Variants in AP3D1 observed in about 807,000 individuals in gnomAD.
The protein encoded by AP3D1 is AP-3 complex subunit delta-1.
AP3D1 carries 51 observed loss-of-function variants against 147.6 expected under a neutral mutation model. The ratio of observed to expected loss-of-function variants is 0.35; its 90% CI spans 0.28 to 0.44. The LOEUF is 0.44. AP3D1 is among the 20% of genes least tolerant of loss of function. AP3D1 has a pLI of 1.00. For missense variants in AP3D1, 1,421 were observed against 1,624.2 expected (o/e 0.87, Z 2.15); for synonymous variants, 760 against 663.0 (o/e 1.15, Z -2.25).
chr19:2,109,124 T>C lies in AP3D1; in HGVS notation c.3434A>G (p.Asn1145Ser). The change falls in exon 30 of 32, where the codon AAT becomes AGT. Residue 1145 changes from asparagine to serine, a missense_variant. Asn to Ser is a conservative substitution (Grantham distance 46). Coordinates refer to ENST00000643116, the MANE Select transcript of AP3D1 (RefSeq NM_001261826.3). Reference protein sequence around the residue: ...KVDGIRMSFQNLLAKICFHHH... With the variant: ...KVDGIRMSFQSLLAKICFHHH... ...GTGAAAACAGATCTTCGCCAGAAGA[T>C]TCTGGAAGGACATCCGAATGCCATC... 1.2e-6 allele frequency: 2 copies of C among 1,609,454 alleles called. No homozygotes were observed. The highest frequency in any genetic ancestry group is 1.1e-5 in the South Asian group (1 of 90,256).
At chr19:2,111,438 G>A (rs1464129826) in intron 25 of AP3D1, 106 bp from the exon 26 acceptor site, 1 of 1,430,470 alleles carries the variant, frequency 7.0e-7, no homozygotes, top group African/African-American at 1.4e-5. Context: ...CTCCAAGAAT[G>A]CTTGGGGCAA....
intron 9 of AP3D1, among the ~76,000 whole-genome samples, chr19:2,126,483 G>T (rs145347230): frequency 1.3e-5 from 2 of 151,918 alleles, no homozygotes; most frequent in East Asian, 1.9e-4. Context: ...GTGAAACCCC[G>T]TGTCTACTAA....
chr19:2,132,393 G>A, intron 5 of AP3D1, 78 bp downstream of exon 5: 2 of 1,362,982 alleles, frequency 1.5e-6, no homozygotes, highest in South Asian at 2.6e-5. Flanking sequence ...GCATAGCCAA[G>A]CTTCCCAGGC....
chr19:2,135,519 GAGTGAGACTCAGTCTCAAAACAAAACA>G (rs1368450282), intron 4 of AP3D1, among the ~76,000 whole-genome samples: 1 of 152,222 alleles, frequency 6.6e-6, no homozygotes, highest in Non-Finnish European at 1.5e-5. Flanking sequence ...CTGGGCAATA[GAGTGAGACTCAGTCTCAAAACAAAACA>G]AAACAAAACA....
In AP3D1 at chr19:2,108,723, G is replaced by C. The variant is rs767309496; in HGVS notation, c.3516C>G (p.Ser1172=). 1.3e-6 allele frequency: 2 copies of C among 1,584,320 alleles called. No homozygotes were observed. The highest frequency in any genetic ancestry group is 3.6e-5 in the Admixed American group (2 of 56,122). Residue 1172 remains serine, a synonymous_variant, in exon 31 of 32, where the codon TCC becomes TCG. Coordinates refer to ENST00000643116, the MANE Select transcript of AP3D1 (RefSeq NM_001261826.3). ...VDSCASMYSR[S]IQGHHVCLLV... ...GGAGGCAGACATGGTGGCCCTGGATGGAGCGGCTGTACATGGAGGCGCAGG... is the reference window on the plus strand; with the variant it reads ...GGAGGCAGACATGGTGGCCCTGGATCGAGCGGCTGTACATGGAGGCGCAGG...
chr19:2,135,975 G>C (rs938201194), intron 4 of AP3D1, among the ~76,000 whole-genome samples: 6 of 150,602 alleles, frequency 4.0e-5, no homozygotes, highest in East Asian at 2.0e-4. Flanking sequence ...ACACGGCCAC[G>C]ACCCAAGGAG....
intron 11 of AP3D1, among the ~76,000 whole-genome samples, chr19:2,122,682 T>C (rs2018644609): frequency 6.6e-6 from 1 of 152,210 alleles, no homozygotes; most frequent in Non-Finnish European, 1.5e-5. Context: ...AGGTATGTGA[T>C]CGCGGTCTCT....
intron 4 of AP3D1, 70 bp from the exon 5 acceptor site, chr19:2,132,648 G>T: frequency 7.4e-7 from 1 of 1,350,708 alleles, no homozygotes; most frequent in South Asian, 1.2e-5. Context: ...GGGTCACCAG[G>T]AGCAGCAGGA....
chr19:2,115,427 C>T lies in AP3D1; in HGVS notation c.2150-9G>A, dbSNP rs755033903. 1 of 1,607,430 alleles carries T rather than the reference C, an allele frequency of 6.2e-7. No individual in the cohort carries two copies. ...ATCTGACATAGGCAGCCCTGCGGGC[C>T]GGCAGCGGGCAGCCACTCAGCACTG... On this transcript the variant is annotated splice_polypyrimidine_tract_variant and intron_variant, in intron 19 of 31. Transcript: ENST00000643116.
At chr19:2,105,586 A>C (rs1228711945) in intron 31 of AP3D1, among the ~76,000 whole-genome samples, 2 of 152,198 alleles carry the variant, frequency 1.3e-5, no homozygotes, top group African/African-American at 4.8e-5. Context: ...GCTGTTAATA[A>C]ATGTGGGTAA....
intron 14 of AP3D1, among the ~76,000 whole-genome samples, chr19:2,119,143 C>G (rs1285365062): frequency 6.6e-6 from 1 of 152,242 alleles, no homozygotes; most frequent in African/African-American, 2.4e-5. Context: ...GGGCAGGGAA[C>G]AGACGGAACC....
intron 5 of AP3D1, among the ~76,000 whole-genome samples, chr19:2,131,538 C>CTCCGGG: frequency 7.3e-6 from 1 of 136,700 alleles, no homozygotes; most frequent in East Asian, 2.1e-4. Flanking sequence ...ATCTAGGCAC[C>CTCCGGG]CGGTGGACAG....
chr19:2,111,221 G>A (rs774143650), intron 26 of AP3D1, 64 bp downstream of exon 26: 559 of 1,594,118 alleles, frequency 3.5e-4, no homozygotes, highest in Non-Finnish European at 3.9e-4. Flanking sequence ...CCCGGGTTCC[G>A]CGCGATCCCA....
chr19:2,116,269 C>A lies in AP3D1; in HGVS notation c.2011G>T (p.Ala671Ser). Reference protein sequence around the residue: ...DEEELARRREARKQEQANNPF... With the variant: ...DEEELARRRESRKQEQANNPF... ...TTGTTGGCCTGCTCCTGCTTCCGGG[C>A]CTCTCGGCGCTGTGGGACACAGCTT... The change falls in exon 18 of 32, where the codon GCC (alanine) becomes TCC (serine). Residue 671 changes from alanine (A) to serine (S), a missense_variant. Coordinates refer to ENST00000643116, the MANE Select transcript of AP3D1 (RefSeq NM_001261826.3). The A allele has an allele frequency of 6.2e-7, 1 of 1,614,064 alleles. No homozygotes were observed. The highest frequency in any genetic ancestry group is 8.5e-7 in the Non-Finnish European group (1 of 1,180,006).
chr19:2,103,530 G>A (rs1447969494), intron 31 of AP3D1, among the ~76,000 whole-genome samples: 1 of 152,192 alleles, frequency 6.6e-6, no homozygotes, highest in Non-Finnish European at 1.5e-5. Context: ...AGCTGCTCAC[G>A]ATCTGCTAGG....
At chr19:2,119,556 C>G (rs1309585042) in intron 14 of AP3D1, among the ~76,000 whole-genome samples, 4 of 152,076 alleles carry the variant, frequency 2.6e-5, no homozygotes, top group African/African-American at 9.6e-5. Flanking sequence ...ATTAGCAGGG[C>G]ATGGTGGCGG....
chr19:2,137,345 G>A (rs555504842), intron 3 of AP3D1, among the ~76,000 whole-genome samples: 1 of 150,952 alleles, frequency 6.6e-6, no homozygotes, highest in Admixed American at 6.6e-5. Flanking sequence ...ACAAAGTCTC[G>A]CTCTGTTGCC....
Position 2,123,803 on chromosome 19 carries a change from A to G in AP3D1, c.906+27T>C. The G allele has an allele frequency of 5.1e-6, 8 of 1,557,230 alleles. No homozygotes were observed. The South Asian group carries it at 5.9e-5, about 11-fold the overall frequency. ...TGTGGCCTCTGCAGTGTGGGACCCCATGGGCCCCGCCCAGTGCGGGACGTA... is the reference window on the plus strand; with the variant it reads ...TGTGGCCTCTGCAGTGTGGGACCCCGTGGGCCCCGCCCAGTGCGGGACGTA... On this transcript the variant is annotated intron_variant, in intron 10 of 31. Coordinates refer to ENST00000643116, the MANE Select transcript of AP3D1 (RefSeq NM_001261826.3).
At chr19:2,134,542 C>T (rs1403206423) in intron 4 of AP3D1, among the ~76,000 whole-genome samples, 1 of 151,290 alleles carries the variant, frequency 6.6e-6, no homozygotes, top group Admixed American at 6.6e-5. Context: ...CAAGACTAGC[C>T]TGACCAACAT....
Sources: gnomAD v4.1 joint callset for allele counts (sites outside exome capture counted in the v4.1 genomes callset) on GRCh38, gnomAD v4.1.1 for gene constraint, MANE v1.5 for transcripts, NCBI Gene and HGNC (gene_info 2026-07-23, HGNC 2026-07-21) for gene names.